The following KRABD4 variants were observed in gnomAD, a reference collection of about 807,000 sequenced individuals.
KRABD4 encodes KRAB domain containing 4.
At chrX:46,459,747 T>A in the KRABD4 span, among the ~76,000 whole-genome samples, 2 of 112,055 alleles carry the variant, frequency 1.8e-5, no homozygotes, top group Non-Finnish European at 3.8e-5. Context: ...ACGGCTGTTT[T>A]ACTAGGTCTG....
chrX:46,456,622 C>G, the KRABD4 span: 1 of 287,708 alleles, frequency 3.5e-6, no homozygotes, highest in South Asian at 6.5e-5. Flanking sequence ...ACTCCCCATA[C>G]CAGCCAGGAA....
chrX:46,455,873 G>A, the KRABD4 span: 1 of 331,189 alleles, frequency 3.0e-6, no homozygotes, highest in Non-Finnish European at 5.6e-6. Flanking sequence ...GATAACATAT[G>A]ATGAGGCAAA....
the KRABD4 span, among the ~76,000 whole-genome samples, chrX:46,458,736 G>A: frequency 1.8e-5 from 2 of 111,807 alleles, no homozygotes; most frequent in Admixed American, 9.5e-5. Context: ...TTCCAAAGCA[G>A]TTCTATTCAT....
the KRABD4 span, chrX:46,473,053 C>T: frequency 8.3e-7 from 1 of 1,208,039 alleles, no homozygotes; most frequent in Non-Finnish European, 1.1e-6. Context: ...CCATTATAAT[C>T]TTCATAAAGC....
At chrX:46,463,673 T>C in the KRABD4 span, among the ~76,000 whole-genome samples, 1 of 112,013 alleles carries the variant, frequency 8.9e-6, no homozygotes, top group Admixed American at 9.5e-5. Context: ...AGTAGATGTA[T>C]TAATAGATGT....
chrX:46,470,451 T>A, the KRABD4 span, among the ~76,000 whole-genome samples: 1 of 111,260 alleles, frequency 9.0e-6, no homozygotes, highest in Non-Finnish European at 1.9e-5. Context: ...TACAGTATGA[T>A]GCTTTATGGG....
the KRABD4 span, among the ~76,000 whole-genome samples, chrX:46,449,612 C>T: frequency 2.7e-5 from 3 of 111,938 alleles, no homozygotes; most frequent in East Asian, 2.8e-4. Context: ...GATCACACTG[C>T]GCTTGCTTTC....
the KRABD4 span, chrX:46,472,553 G>T: frequency 2.6e-6 from 1 of 377,952 alleles, no homozygotes; most frequent in Non-Finnish European, 4.5e-6. Context: ...AATTATTTTT[G>T]TTAAATTTGA....
chrX:46,463,503 A>G, the KRABD4 span: 4 of 481,734 alleles, frequency 8.3e-6, no homozygotes, highest in South Asian at 1.2e-4. Flanking sequence ...TGGCATTCAC[A>G]TAGATTGTGG....
the KRABD4 span, chrX:46,463,281 C>T: frequency 3.9e-5 from 47 of 1,210,274 alleles, no homozygotes; most frequent in Middle Eastern, 9.2e-4. Flanking sequence ...GACCCCGGTA[C>T]GGACCTGTGC....
chrX:46,447,908 C>T, the KRABD4 span, among the ~76,000 whole-genome samples: 3 of 111,093 alleles, frequency 2.7e-5, no homozygotes, highest in Non-Finnish European at 5.7e-5. Context: ...AGATTTTGTT[C>T]CCTGATGTAT....
chrX:46,452,487 T>A, the KRABD4 span, among the ~76,000 whole-genome samples: 1 of 111,120 alleles, frequency 9.0e-6, no homozygotes, highest in East Asian at 2.8e-4. Flanking sequence ...AAAATATCTC[T>A]TGTCATTGTC....
chrX:46,449,267 A>G, the KRABD4 span, among the ~76,000 whole-genome samples: 9 of 111,070 alleles, frequency 8.1e-5, no homozygotes, highest in Non-Finnish European at 1.7e-4. Context: ...AGCCCCTCAC[A>G]GAACTGACAG....
the KRABD4 span, chrX:46,456,292 TAAA>T: frequency 1.9e-5 from 2 of 107,484 alleles, no homozygotes; most frequent in Non-Finnish European, 3.8e-5. Context: ...AATGTATTAT[TAAA>T]TTATTATATA....
At chrX:46,464,869 G>A in the KRABD4 span, among the ~76,000 whole-genome samples, 2 of 111,978 alleles carry the variant, frequency 1.8e-5, no homozygotes, top group Non-Finnish European at 1.9e-5. Context: ...CAGTCTAAGA[G>A]TGCAGAACAG....
the KRABD4 span, chrX:46,473,608 T>A: frequency 2.3e-6 from 1 of 430,549 alleles, no homozygotes; most frequent in Non-Finnish European, 3.9e-6. Context: ...TGTGATGAAA[T>A]TTTGCACTGT....
chrX:46,454,461 G>C, the KRABD4 span: 1 of 111,856 alleles, frequency 8.9e-6, no homozygotes, highest in Non-Finnish European at 1.9e-5. Flanking sequence ...TGCAGCCGAG[G>C]ACAGCTTTGA....
At chrX:46,454,198 C>T in the KRABD4 span, 1 of 168,354 alleles carries the variant, frequency 5.9e-6, no homozygotes. Flanking sequence ...ACTTCTACAG[C>T]AAAGCCATCA....
At chrX:46,467,707 G>A in the KRABD4 span, among the ~76,000 whole-genome samples, 1 of 111,806 alleles carries the variant, frequency 8.9e-6, no homozygotes, top group African/African-American at 3.3e-5. Flanking sequence ...GATCAGTGAT[G>A]TTGAGCATGT....
Sources: allele counts gnomAD v4.1 joint callset (sites outside exome capture counted in the v4.1 genomes callset), GRCh38; gene constraint gnomAD v4.1.1; transcripts MANE v1.5; gene names NCBI Gene and HGNC (gene_info 2026-07-23, HGNC 2026-07-21).